Variants in KSR2 observed in about 807,000 individuals in gnomAD.
The protein encoded by KSR2 is kinase suppressor of ras 2.
KSR2 carries 25 observed loss-of-function variants against 107.8 expected under a neutral mutation model. That is an observed-to-expected ratio of 0.23 (90% CI 0.17 to 0.32). The LOEUF is 0.32. KSR2 is among the 10% of genes least tolerant of loss of function. KSR2 has a pLI of 1.00. For missense variants in KSR2, 887 were observed against 1,268.9 expected (o/e 0.70, Z 4.57); for synonymous variants, 480 against 507.0 (o/e 0.95, Z 0.71).
chr12:117,531,094 G>C, intron 11 of KSR2, 81 bp from the exon 12 acceptor site: 1 of 1,163,182 alleles, frequency 8.6e-7, no homozygotes. Flanking sequence ...GGGCGACATG[G>C]CAGCCAATTT....
chr12:117,862,337 CATTT>C (rs1404629197), intron 1 of KSR2, among the ~76,000 whole-genome samples: 1 of 152,130 alleles, frequency 6.6e-6, no homozygotes, highest in Non-Finnish European at 1.5e-5. Context: ...AGTCAACCAA[CATTT>C]ATCAAGAACA....
chr12:117,809,194 A>T (rs1222027323), intron 3 of KSR2, among the ~76,000 whole-genome samples: 4 of 152,168 alleles, frequency 2.6e-5, no homozygotes, highest in Non-Finnish European at 4.4e-5. Flanking sequence ...TAACTAATAC[A>T]TCACCAGAGG....
intron 3 of KSR2, among the ~76,000 whole-genome samples, chr12:117,835,033 GAC>G (rs1422668820): frequency 6.6e-6 from 1 of 152,178 alleles, no homozygotes; most frequent in South Asian, 2.1e-4. Flanking sequence ...TCGAACCCGA[GAC>G]ACAGAGTCCA....
At chr12:117,900,345 A>G (rs147284021) in intron 1 of KSR2, among the ~76,000 whole-genome samples, 1,712 of 152,338 alleles carry the variant, frequency 0.011, 15 homozygotes, top group Admixed American at 0.02. Context: ...AGACATATCC[A>G]TCAGGAACAG....
intron 1 of KSR2, among the ~76,000 whole-genome samples, chr12:117,929,715 A>C (rs1262031158): frequency 2.0e-5 from 3 of 152,246 alleles, no homozygotes; most frequent in Non-Finnish European, 4.4e-5. Flanking sequence ...TGCAATATGG[A>C]TGAAACTCAA....
intron 5 of KSR2, among the ~76,000 whole-genome samples, chr12:117,599,460 C>T (rs1164505613): frequency 5.4e-5 from 8 of 149,236 alleles, no homozygotes; most frequent in Non-Finnish European, 9.0e-5. Flanking sequence ...ATGAATGATA[C>T]TAATGGCACT....
chr12:117,901,308 CT>C lies in KSR2; in HGVS notation c.181-40878del, dbSNP rs201097214. On this transcript the variant is annotated intron_variant, in intron 1 of 19. Coordinates refer to ENST00000339824, the MANE Select transcript of KSR2 (RefSeq NM_173598.6). Reference sequence around the variant, plus strand: ...ATGCCATACTTTTTTTTCTTTTTTTCTTTTTTTTTTTTGAGACAGAATCTCA... The same window carrying C: ...ATGCCATACTTTTTTTTCTTTTTTTCTTTTTTTTTTTGAGACAGAATCTCA... Among the ~76,000 whole-genome samples the C allele has an allele frequency of 7.2e-3, 1,039 of 144,194 alleles. 7 individuals carry two copies. The highest frequency in any genetic ancestry group is 0.022 in the African/African-American group (873 of 39,566). 94.6% of individuals were successfully genotyped at this position (144,194 alleles called of 152,430 possible). A position where few individuals can be genotyped will look rare whatever the true frequency, so the allele number is the denominator to read the frequency against.
intron 3 of KSR2, among the ~76,000 whole-genome samples, chr12:117,819,469 G>GT (rs1227583809): frequency 1.3e-5 from 2 of 152,228 alleles, no homozygotes; most frequent in Non-Finnish European, 2.9e-5. Context: ...GGAGGGCACA[G>GT]TGGGGGTAAA....
chr12:117,868,322 G>A, intron 1 of KSR2, among the ~76,000 whole-genome samples: 1 of 151,894 alleles, frequency 6.6e-6, no homozygotes, highest in Non-Finnish European at 1.5e-5. Flanking sequence ...CTACTCAGGA[G>A]GCTGAGGTAG....
chr12:117,954,523 G>T (rs1896451771), intron 1 of KSR2, among the ~76,000 whole-genome samples: 1 of 152,190 alleles, frequency 6.6e-6, no homozygotes, highest in African/African-American at 2.4e-5. Flanking sequence ...CTATGCTATA[G>T]AAGCCTTCTA....
intron 9 of KSR2, among the ~76,000 whole-genome samples, chr12:117,549,447 A>C (rs1249916968): frequency 2.0e-5 from 3 of 151,998 alleles, no homozygotes; most frequent in African/African-American, 4.8e-5. Context: ...TAAAAAAAAA[A>C]CCATATAGGC....
chr12:117,501,715 G>T (rs1873387001), intron 14 of KSR2, among the ~76,000 whole-genome samples: 1 of 152,208 alleles, frequency 6.6e-6, no homozygotes, highest in African/African-American at 2.4e-5. Flanking sequence ...AAATAAGGGA[G>T]CTTATCTGCA....
intron 19 of KSR2, among the ~76,000 whole-genome samples, chr12:117,469,084 G>A (rs530847116): frequency 6.6e-6 from 1 of 152,316 alleles, no homozygotes; most frequent in African/African-American, 2.4e-5. Flanking sequence ...CCCAGAAAGA[G>A]ATGCCACACT....
At chr12:117,570,351 G>T (rs1033594028) in intron 7 of KSR2, among the ~76,000 whole-genome samples, 1 of 152,098 alleles carries the variant, frequency 6.6e-6, no homozygotes, top group African/African-American at 2.4e-5. Flanking sequence ...GGCATCTAGT[G>T]GGTAGAAACT....
chr12:117,571,309 T>C (rs1172934289), intron 7 of KSR2, among the ~76,000 whole-genome samples: 3 of 151,608 alleles, frequency 2.0e-5, no homozygotes, highest in African/African-American at 4.9e-5. Flanking sequence ...AGGTTGGGAG[T>C]AGGGAGAAGC....
chr12:117,545,457 G>A (rs1044839984), intron 9 of KSR2, among the ~76,000 whole-genome samples: 3 of 152,038 alleles, frequency 2.0e-5, no homozygotes, highest in African/African-American at 4.8e-5. Context: ...TTAAAATTAC[G>A]AATTCCGTTT....
intron 16 of KSR2, among the ~76,000 whole-genome samples, chr12:117,478,980 T>A (rs761538983): frequency 5.9e-5 from 9 of 152,200 alleles, no homozygotes; most frequent in Non-Finnish European, 1.2e-4. Context: ...CTCCCCCACA[T>A]CAACTTGCAG....
chr12:117,692,449 CATAT>C lies in KSR2; in HGVS notation c.987-24795_987-24792del, dbSNP rs57091494. Among the ~76,000 whole-genome samples the C allele has an allele frequency of 5.3e-3, 449 of 84,232 alleles. 1 individual carries two copies. The highest frequency in any genetic ancestry group is 7.7e-3 in the South Asian group (13 of 1,682). The allele number at this position is 84,232 out of a possible 152,430, so 55.3% of individuals were successfully genotyped here. ...TACCATATGACCTGGCAACTTCACT[CATAT>C]ATATATATATATATATATATATATA... On this transcript the variant is annotated intron_variant, in intron 4 of 19. Coordinates refer to ENST00000339824, the MANE Select transcript of KSR2 (RefSeq NM_173598.6).
At chr12:117,654,839 C>T (rs10774949) in intron 5 of KSR2, among the ~76,000 whole-genome samples, 150,545 of 152,312 alleles carry the variant, frequency 0.99, 74,401 homozygotes, top group East Asian at 1. Flanking sequence ...GAATGACCCA[C>T]TCTGTGGACG....
Sources: allele counts gnomAD v4.1 joint callset (sites outside exome capture counted in the v4.1 genomes callset), GRCh38; gene constraint gnomAD v4.1.1; transcripts MANE v1.5; gene names NCBI Gene and HGNC (gene_info 2026-07-23, HGNC 2026-07-21).